PARD3B: variants seen among roughly 807,000 people sequenced by gnomAD.
PARD3B encodes the protein partitioning defective 3 homolog B.
Under a neutral mutation model 130.2 loss-of-function variants are expected in PARD3B, and 103 were observed. The observed-to-expected ratio is 0.79, with a 90% CI of 0.67 to 0.93. The LOEUF (loss-of-function observed/expected upper bound fraction) is 0.93, where lower values mean the gene tolerates loss of function less well. PARD3B is among the 40% of genes least tolerant of loss of function. PARD3B has a pLI of 0.00. For missense variants in PARD3B, 1,609 were observed against 1,499.2 expected (o/e 1.07, Z -1.21); for synonymous variants, 583 against 553.2 (o/e 1.05, Z -0.76).
At chr2:205,454,252 A>G (rs2048198164) in intron 20 of PARD3B, among the ~76,000 whole-genome samples, 1 of 152,150 alleles carries the variant, frequency 6.6e-6, no homozygotes, top group African/African-American at 2.4e-5. Context: ...TGCTGATGCT[A>G]AGGACAGATT....
rs572645014 is a variant in PARD3B at position 204,677,494 on chromosome 2, C to G, written c.121-8687C>G. 1.3e-5 allele frequency among the ~76,000 whole-genome samples: 2 copies of G among 152,348 alleles called. No individual in the cohort carries two copies. The highest frequency in any genetic ancestry group is 4.8e-5 in the African/African-American group (2 of 41,582). On this transcript the variant is annotated intron_variant, in intron 1 of 22. Coordinates refer to ENST00000406610, the MANE Select transcript of PARD3B (RefSeq NM_001302769.2). The surrounding 1 kb of genome is among the most constrained non-coding windows in gnomAD (Gnocchi z 4.1). ...TAGACAAGCCTCAATTAATTCAGCT[C>G]ACTCATCATAAGATGTATTTCCATC... is the stretch of plus-strand genomic sequence containing the variant.
chr2:205,421,072 A>C lies in PARD3B; in HGVS notation c.2742-19298A>C, dbSNP rs996497108. ...AGGAGAATCACTTGAACCCGGAGGG[A>C]GTGAGCCAAGGTCATGCCACTACAC... On this transcript the variant is annotated intron_variant, in intron 19 of 22. Transcript: ENST00000406610. The surrounding 1 kb of genome is among the most constrained non-coding windows in gnomAD (Gnocchi z 5.1). 6.6e-6 allele frequency among the ~76,000 whole-genome samples: 1 copy of C among 152,046 alleles called. No individual in the cohort carries two copies. The highest frequency in any genetic ancestry group is 1.5e-5 in the Non-Finnish European group (1 of 68,008).
At chr2:204,776,643 T>A (rs1229593443) in intron 2 of PARD3B, among the ~76,000 whole-genome samples, 1 of 152,016 alleles carries the variant, frequency 6.6e-6, no homozygotes, top group Admixed American at 6.6e-5. Context: ...TTGCCTTTTG[T>A]ATAATAAAAC....
chr2:205,555,436 A>G (rs2052838327), intron 22 of PARD3B, among the ~76,000 whole-genome samples: 1 of 152,152 alleles, frequency 6.6e-6, no homozygotes, highest in Admixed American at 6.5e-5. Flanking sequence ...TGTAATTATT[A>G]AAGTCTTCTG....
At chr2:204,930,251 T>C (rs192115249) in intron 2 of PARD3B, among the ~76,000 whole-genome samples, 2 of 151,874 alleles carry the variant, frequency 1.3e-5, no homozygotes, top group East Asian at 3.9e-4. Context: ...AGTACAGTGG[T>C]CCCCTCAGTA....
intron 20 of PARD3B, among the ~76,000 whole-genome samples, chr2:205,467,161 C>T (rs1303675815): frequency 6.6e-6 from 1 of 152,288 alleles, no homozygotes; most frequent in Admixed American, 6.5e-5. Flanking sequence ...TTTTAAATTA[C>T]GTGACCTTTT....
At chr2:204,748,258 A>ACCAGT (rs970880784) in intron 2 of PARD3B, among the ~76,000 whole-genome samples, 3 of 152,088 alleles carry the variant, frequency 2.0e-5, no homozygotes, top group African/African-American at 7.2e-5. Context: ...GAAAAATGTC[A>ACCAGT]CCAGTTCATA....
Position 205,405,427 on chromosome 2 carries a change from G to C in PARD3B, c.2741+4304G>C, listed in dbSNP as rs895716369. Among the ~76,000 whole-genome samples the C allele has an allele frequency of 6.6e-5, 10 of 152,020 alleles. No individual in the cohort carries two copies. The highest frequency in any genetic ancestry group is 1.3e-4 in the Non-Finnish European group (9 of 68,030). ...TGAGAAACCCTTTTATAATCTCCAGGCTTCACAAAGAGCAAGGTACTCTCC... is the reference window on the plus strand; with the variant it reads ...TGAGAAACCCTTTTATAATCTCCAGCCTTCACAAAGAGCAAGGTACTCTCC... On this transcript the variant is annotated intron_variant, in intron 19 of 22. Coordinates refer to ENST00000406610, the MANE Select transcript of PARD3B (RefSeq NM_001302769.2). The surrounding 1 kb of genome is among the most constrained non-coding windows in gnomAD (Gnocchi z 4.1).
rs747134220 is a variant in PARD3B at position 205,292,566 on chromosome 2, G to A, written c.2186-7964G>A. On this transcript the variant is annotated intron_variant, in intron 16 of 22. Coordinates refer to ENST00000406610, the MANE Select transcript of PARD3B (RefSeq NM_001302769.2). This position sits in a 1 kb window ranked among gnomAD's most constrained non-coding sequence, Gnocchi z 5.3. The stretch of plus-strand genomic sequence containing the variant: ...GCATGAGAGAGGCAAGCAAAGACCC[G>A]CAGAGAACAACTCATTTCTCCAAAC... Among the ~76,000 whole-genome samples, 6 of 152,074 alleles carry A rather than the reference G, an allele frequency of 3.9e-5. No homozygotes were observed. The highest frequency in any genetic ancestry group is 5.9e-5 in the Non-Finnish European group (4 of 68,010).
intron 18 of PARD3B, among the ~76,000 whole-genome samples, chr2:205,323,353 A>G (rs1180392285): frequency 6.6e-6 from 1 of 152,156 alleles, no homozygotes; most frequent in Non-Finnish European, 1.5e-5. Flanking sequence ...AACAAACCTT[A>G]TGTTTCCATG....
chr2:205,345,974 C>T (rs1446419755), intron 18 of PARD3B, among the ~76,000 whole-genome samples: 1 of 89,416 alleles, frequency 1.1e-5, no homozygotes, highest in African/African-American at 2.7e-5. Context: ...AGTTCAAGAC[C>T]AGCCTGGCCA....
rs746594871 is a variant in PARD3B, at chr2:205,516,827, A to T, written c.3180+16796A>T. 3.3e-5 allele frequency among the ~76,000 whole-genome samples: 5 copies of T among 152,102 alleles called. No individual in the cohort carries two copies. The South Asian group carries it at 1.0e-3, about 31-fold the overall frequency. On this transcript the variant is annotated intron_variant, in intron 21 of 22. Coordinates refer to ENST00000406610, the MANE Select transcript of PARD3B (RefSeq NM_001302769.2). ...TTGATCAGGAGTGGTGAGAGAGAGC[A>T]TTCTTGTCTTGTGACAGATTTCAAG...
chr2:205,090,858 G>T (rs913581487), intron 4 of PARD3B, among the ~76,000 whole-genome samples: 1 of 152,158 alleles, frequency 6.6e-6, no homozygotes, highest in East Asian at 1.9e-4. Flanking sequence ...TATGAAGCTG[G>T]TTTGTAGCTC....
Position 205,590,549 on chromosome 2 carries a change from G to T in PARD3B, c.3261-24907G>T, listed in dbSNP as rs1333503795. On this transcript the variant is annotated intron_variant, in intron 22 of 22. Coordinates refer to ENST00000406610, the MANE Select transcript of PARD3B (RefSeq NM_001302769.2). The surrounding 1 kb of genome is among the most constrained non-coding windows in gnomAD (Gnocchi z 4.1). The stretch of plus-strand genomic sequence containing the variant: ...CTGATGATCCAGGCCTGGGTCACAT[G>T]CCCCTCTGGAGTCCAGAGTGGAGTC... 1.3e-5 allele frequency among the ~76,000 whole-genome samples: 2 copies of T among 152,310 alleles called. No homozygotes were observed. The highest frequency in any genetic ancestry group is 6.5e-5 in the Admixed American group (1 of 15,302).
At chr2:204,656,307 A>C (rs1005361538) in intron 1 of PARD3B, among the ~76,000 whole-genome samples, 1 of 152,206 alleles carries the variant, frequency 6.6e-6, no homozygotes, top group Non-Finnish European at 1.5e-5. Flanking sequence ...TTCCTGAAGT[A>C]GAAAAGTCAG....
rs116725860 is a variant in PARD3B, at chr2:204,975,377, C to T, written c.394+10054C>T. Among the ~76,000 whole-genome samples the T allele has an allele frequency of 2.9e-3, 449 of 152,340 alleles. 1 individual carries two copies. Among genetic ancestry groups the T allele is most frequent in the African/African-American group, 0.01 (428 of 41,584 alleles). ...CCATGACTACCAACAATGTCCGCTA[C>T]TCCCCGGACACGATCTGCAAGGACC... On this transcript the variant is annotated intron_variant, in intron 3 of 22. Transcript: ENST00000406610.
chr2:205,022,545 C>T (rs182688363), intron 3 of PARD3B, among the ~76,000 whole-genome samples: 920 of 152,096 alleles, frequency 6.0e-3, no homozygotes, highest in Middle Eastern at 0.02. Context: ...TTGTCTAAAA[C>T]GTTTCTTTTT....
At chr2:205,115,322 T>C (rs1450422201) in intron 6 of PARD3B, among the ~76,000 whole-genome samples, 1 of 152,126 alleles carries the variant, frequency 6.6e-6, no homozygotes, top group Non-Finnish European at 1.5e-5. Context: ...AATCCCAGTG[T>C]TCTTTTTTAT....
intron 13 of PARD3B, among the ~76,000 whole-genome samples, chr2:205,184,027 A>G (rs570015034): frequency 6.6e-6 from 1 of 152,274 alleles, no homozygotes; most frequent in South Asian, 2.1e-4. Context: ...AAAGTCACTC[A>G]GTCGGGGAAT....
Sources: gnomAD v4.1 joint callset for allele counts (sites outside exome capture counted in the v4.1 genomes callset) on GRCh38, gnomAD v4.1.1 for gene constraint, Gnocchi (gnomAD v3.1) non-coding constraint, MANE v1.5 for transcripts, NCBI Gene and HGNC (gene_info 2026-07-23, HGNC 2026-07-21) for gene names.